The following AGBL4 variants were observed in gnomAD, a reference collection of about 807,000 sequenced individuals.
AGBL4 encodes AGBL carboxypeptidase 4.
In AGBL4, 58 loss-of-function variants were observed where a neutral mutation model predicts 66.4. The ratio of observed to expected loss-of-function variants is 0.87; its 90% CI spans 0.71 to 1.09. The LOEUF is 1.09. Ranked by LOEUF, AGBL4 falls within the 50% of genes least tolerant of loss-of-function variation. The pLI, the probability that AGBL4 is intolerant of heterozygous loss-of-function variation, is 0.00. For missense variants in AGBL4, 579 were observed against 631.0 expected, an observed-to-expected ratio of 0.92 and a Z score of 0.88; for synonymous variants, 234 against 222.9, an observed-to-expected ratio of 1.05 and a Z score of -0.44.
chr1:49,353,822 A>C (rs970319710), intron 3 of AGBL4, among the ~76,000 whole-genome samples: 2 of 152,174 alleles, frequency 1.3e-5, no homozygotes, highest in African/African-American at 4.8e-5. Flanking sequence ...AGCTGAGGAC[A>C]GTCAGAGAGA....
intron 11 of AGBL4, among the ~76,000 whole-genome samples, chr1:48,558,145 G>A (rs1056041561): frequency 6.6e-6 from 1 of 152,174 alleles, no homozygotes; most frequent in Non-Finnish European, 1.5e-5. Context: ...GAAAGCACCC[G>A]TATGGAGTTT....
chr1:49,372,629 TTCTTTCTTTC>T (rs1368240084), intron 3 of AGBL4, among the ~76,000 whole-genome samples: 1 of 127,398 alleles, frequency 7.8e-6, no homozygotes, highest in Non-Finnish European at 1.6e-5. Context: ...CTTTCTTTCT[TTCTTTCTTTC>T]TTTCTTTCTT....
chr1:48,799,134 CTACCCAT>C (rs1645755774), intron 6 of AGBL4, among the ~76,000 whole-genome samples: 3 of 152,198 alleles, frequency 2.0e-5, no homozygotes, highest in Admixed American at 1.3e-4. Flanking sequence ...AATAGTGATT[CTACCCAT>C]CCATTAACAT....
chr1:49,899,485 T>TTACTATA (rs1453766816), intron 1 of AGBL4, among the ~76,000 whole-genome samples: 2 of 151,802 alleles, frequency 1.3e-5, no homozygotes, highest in African/African-American at 4.8e-5. Context: ...CAAAGGACAC[T>TTACTATA]TACTATATAT....
At chr1:49,613,771 C>T (rs1340242264) in intron 3 of AGBL4, among the ~76,000 whole-genome samples, 1 of 152,018 alleles carries the variant, frequency 6.6e-6, no homozygotes, top group African/African-American at 2.4e-5. Flanking sequence ...TGTATTACAA[C>T]ATAATAATAA....
chr1:48,672,651 C>A (rs1321925934), intron 6 of AGBL4, among the ~76,000 whole-genome samples: 1 of 152,208 alleles, frequency 6.6e-6, no homozygotes, highest in Non-Finnish European at 1.5e-5. Context: ...TATGCCCGCT[C>A]TCAACCTGTT....
chr1:48,610,388 G>A (rs558962492), intron 9 of AGBL4, among the ~76,000 whole-genome samples: 154 of 152,316 alleles, frequency 1.0e-3, no homozygotes, highest in African/African-American at 3.7e-3. Flanking sequence ...CTAGACAGTA[G>A]AGACTACAGT....
At chr1:49,310,400 C>CCAGTGATGG in intron 3 of AGBL4, among the ~76,000 whole-genome samples, 1 of 152,106 alleles carries the variant, frequency 6.6e-6, no homozygotes, top group South Asian at 2.1e-4. Flanking sequence ...TTCCGGTAAT[C>CCAGTGATGG]CAGTGATGGT....
intron 6 of AGBL4, among the ~76,000 whole-genome samples, chr1:48,720,797 A>G (rs951356151): frequency 2.4e-4 from 37 of 152,062 alleles, no homozygotes; most frequent in African/African-American, 8.7e-4. Context: ...TAATATTACA[A>G]TACAATCCTC....
intron 5 of AGBL4, among the ~76,000 whole-genome samples, chr1:48,899,039 C>A (rs992522402): frequency 2.0e-5 from 3 of 152,196 alleles, no homozygotes; most frequent in Non-Finnish European, 4.4e-5. Flanking sequence ...TTGGACGTGG[C>A]GGGGCTGGGT....
At position 49,302,502 on chromosome 1, in the gene AGBL4, G is replaced by A. The variant is rs1051610373; in HGVS notation, c.283-56638C>T. Among the ~76,000 whole-genome samples the A allele has an allele frequency of 4.1e-4, 62 of 151,658 alleles. 1 individual carries two copies. Among genetic ancestry groups the A allele is most frequent in the African/African-American group, 1.5e-3 (61 of 41,470 alleles). On this transcript the variant is annotated intron_variant, in intron 3 of 13. Transcript: ENST00000371839. ...ACTCCTGACCTCAGGCAATCCACCCGCCTTGGCCTCCCAAAGTGCTGGGAT... is the reference window on the plus strand; with the variant it reads ...ACTCCTGACCTCAGGCAATCCACCCACCTTGGCCTCCCAAAGTGCTGGGAT...
chr1:49,816,436 T>G (rs1419244294), intron 2 of AGBL4, among the ~76,000 whole-genome samples: 1 of 152,136 alleles, frequency 6.6e-6, no homozygotes, highest in Non-Finnish European at 1.5e-5. Context: ...TATTTGCCAC[T>G]TAGTGGTCCA....
chr1:49,447,327 C>A (rs1189572950), intron 3 of AGBL4, among the ~76,000 whole-genome samples: 1 of 152,232 alleles, frequency 6.6e-6, no homozygotes, highest in South Asian at 2.1e-4. Context: ...CTTTATGATC[C>A]TTTCCCCAGG....
chr1:49,922,307 AAAT>A (rs1652339341), intron 1 of AGBL4, among the ~76,000 whole-genome samples: 1 of 152,176 alleles, frequency 6.6e-6, no homozygotes, highest in South Asian at 2.1e-4. Flanking sequence ...ACATAGCTCA[AAAT>A]AATAAGAGCC....
At chr1:49,662,213 T>G (rs1646282954) in intron 3 of AGBL4, among the ~76,000 whole-genome samples, 1 of 151,030 alleles carries the variant, frequency 6.6e-6, no homozygotes, top group Non-Finnish European at 1.5e-5. Context: ...TATATATATA[T>G]GTATATATAT....
chr1:49,216,231 C>A (rs1440709070), intron 4 of AGBL4, among the ~76,000 whole-genome samples: 1 of 152,116 alleles, frequency 6.6e-6, no homozygotes, highest in Non-Finnish European at 1.5e-5. Flanking sequence ...TCTGCAAAGA[C>A]AAAAGCTTTT....
At chr1:48,649,342 T>C (rs547389163) in intron 8 of AGBL4, among the ~76,000 whole-genome samples, 1 of 152,314 alleles carries the variant, frequency 6.6e-6, no homozygotes, top group East Asian at 1.9e-4. Flanking sequence ...AGAAGGCAAA[T>C]GTAACTGAGG....
the AGBL4 span, among the ~76,000 whole-genome samples, chr1:48,522,632 A>G: frequency 6.6e-6 from 1 of 152,148 alleles, no homozygotes. Context: ...TCTTGTATGC[A>G]AGGTTCGTGG....
rs1470413330 is a variant in AGBL4 at position 49,819,353 on chromosome 1, CTT to C, written c.157+32041_157+32042del. ...GCGATGCATTCACAATATCAGAACTCTTTTTATTTTATAGTATATTAGCAACT... is the reference window on the plus strand; with the variant it reads ...GCGATGCATTCACAATATCAGAACTCTTTATTTTATAGTATATTAGCAACT... On this transcript the variant is annotated intron_variant, in intron 2 of 13. Transcript: ENST00000371839. 1.1e-4 allele frequency among the ~76,000 whole-genome samples: 16 copies of C among 152,274 alleles called. No individual in the cohort carries two copies. The East Asian group carries it at 3.1e-3, about 29-fold the overall frequency.
Sources: allele counts gnomAD v4.1 joint callset (sites outside exome capture counted in the v4.1 genomes callset), GRCh38; gene constraint gnomAD v4.1.1; transcripts MANE v1.5; gene names NCBI Gene and HGNC (gene_info 2026-07-23, HGNC 2026-07-21).